The following LYPLAL1 variants were observed in gnomAD, a reference collection of about 807,000 sequenced individuals.
LYPLAL1 encodes the protein lysophospholipase-like protein 1.
Under a neutral mutation model 19.7 loss-of-function variants are expected in LYPLAL1, and 23 were observed. The observed-to-expected ratio is 1.17, with a 90% CI of 0.84 to 1.65. The LOEUF (loss-of-function observed/expected upper bound fraction) is 1.65. LYPLAL1 is among the 40% of genes most tolerant of loss of function. LYPLAL1 has a pLI of 0.00. For synonymous variants in LYPLAL1, 119 were observed against 96.3 expected (o/e 1.24, Z -1.38); for missense variants, 355 against 279.4 (o/e 1.27, Z -1.93).
chr1:219,377,657 G>A, the LYPLAL1 span, among the ~76,000 whole-genome samples: 2 of 151,768 alleles, frequency 1.3e-5, no homozygotes, highest in East Asian at 1.9e-4. Context: ...TCTATATAAT[G>A]GATACTTATC....
the LYPLAL1 span, among the ~76,000 whole-genome samples, chr1:219,292,427 CTTAG>C: frequency 3.3e-5 from 5 of 152,194 alleles, no homozygotes; most frequent in South Asian, 2.1e-4. Flanking sequence ...GGGAGCCCAA[CTTAG>C]TTAGGAAGAT....
At chr1:219,439,025 T>A in the LYPLAL1 span, among the ~76,000 whole-genome samples, 1 of 152,202 alleles carries the variant, frequency 6.6e-6, no homozygotes, top group African/African-American at 2.4e-5. Flanking sequence ...TCCTTCAACT[T>A]TATTTCTCTT....
chr1:219,401,363 A>G, the LYPLAL1 span, among the ~76,000 whole-genome samples: 2 of 99,500 alleles, frequency 2.0e-5, no homozygotes, highest in East Asian at 1.2e-3. Context: ...TTGCCACTTA[A>G]CCCTGCCTCC....
At chr1:219,377,061 C>CT in the LYPLAL1 span, among the ~76,000 whole-genome samples, 7 of 152,150 alleles carry the variant, frequency 4.6e-5, no homozygotes, top group African/African-American at 1.7e-4. Flanking sequence ...TTCATAATAG[C>CT]TACCAGGCAA....
the LYPLAL1 span, among the ~76,000 whole-genome samples, chr1:219,279,076 C>T: frequency 4.6e-5 from 7 of 152,064 alleles, no homozygotes; most frequent in South Asian, 2.1e-4. Context: ...AGAATGCTCC[C>T]GTGTGACTGT....
intron 2 of LYPLAL1, among the ~76,000 whole-genome samples, chr1:219,186,776 C>T (rs901587771): frequency 1.3e-5 from 2 of 151,526 alleles, no homozygotes; most frequent in Admixed American, 6.6e-5. Flanking sequence ...ATAGACAACA[C>T]GTAGTTGGGC....
chr1:219,306,198 G>C, the LYPLAL1 span, among the ~76,000 whole-genome samples: 1 of 152,160 alleles, frequency 6.6e-6, no homozygotes, highest in Admixed American at 6.5e-5. Flanking sequence ...TTTGGAAATT[G>C]TCTTCAACAA....
chr1:219,308,224 T>C, the LYPLAL1 span, among the ~76,000 whole-genome samples: 4 of 152,170 alleles, frequency 2.6e-5, no homozygotes, highest in African/African-American at 9.7e-5. Context: ...GTGGAAGAAA[T>C]TTCTAAGCAG....
At chr1:219,284,030 C>A in the LYPLAL1 span, among the ~76,000 whole-genome samples, 1 of 152,158 alleles carries the variant, frequency 6.6e-6, no homozygotes, top group Non-Finnish European at 1.5e-5. Flanking sequence ...GGGGATGGTT[C>A]CCTCCATGCT....
At chr1:219,260,584 G>A in the LYPLAL1 span, among the ~76,000 whole-genome samples, 404 of 149,250 alleles carry the variant, frequency 2.7e-3, 2 homozygotes, top group African/African-American at 9.2e-3. Flanking sequence ...TGATACAGAG[G>A]GGTCGAATAA....
At chr1:219,293,469 C>G in the LYPLAL1 span, among the ~76,000 whole-genome samples, 1 of 152,118 alleles carries the variant, frequency 6.6e-6, no homozygotes, top group Non-Finnish European at 1.5e-5. Flanking sequence ...CTCCCCTCCC[C>G]CAACTTGGCA....
At chr1:219,441,872 G>A in the LYPLAL1 span, among the ~76,000 whole-genome samples, 2 of 152,124 alleles carry the variant, frequency 1.3e-5, no homozygotes, top group Non-Finnish European at 2.9e-5. Flanking sequence ...GGAAAGAGGG[G>A]AAAGTAATCA....
chr1:219,364,964 C>T, the LYPLAL1 span, among the ~76,000 whole-genome samples: 13 of 152,122 alleles, frequency 8.5e-5, no homozygotes, highest in South Asian at 1.5e-3. Context: ...AGTATTTAAA[C>T]GACCTATTTG....
At chr1:219,410,763 T>C in the LYPLAL1 span, among the ~76,000 whole-genome samples, 5 of 152,248 alleles carry the variant, frequency 3.3e-5, no homozygotes, top group African/African-American at 1.2e-4. Context: ...CCAGCCCTGC[T>C]GGCCCCGGGC....
the LYPLAL1 span, among the ~76,000 whole-genome samples, chr1:219,443,118 C>T: frequency 1.5e-4 from 23 of 151,396 alleles, no homozygotes; most frequent in Non-Finnish European, 1.0e-4. Context: ...GAAAATTTAA[C>T]GCCTGAATGA....
At chr1:219,361,143 G>A in the LYPLAL1 span, among the ~76,000 whole-genome samples, 727 of 152,290 alleles carry the variant, frequency 4.8e-3, 6 homozygotes, top group Non-Finnish European at 8.3e-3. Flanking sequence ...CTACTACAGT[G>A]GGAGACCAGC....
At chr1:219,244,187 G>A in the LYPLAL1 span, among the ~76,000 whole-genome samples, 1 of 152,144 alleles carries the variant, frequency 6.6e-6, no homozygotes, top group African/African-American at 2.4e-5. Flanking sequence ...TGACCTTCAC[G>A]ATGACATAGT....
the LYPLAL1 span, chr1:219,222,606 C>G: frequency 1.3e-5 from 2 of 152,152 alleles, no homozygotes; most frequent in Admixed American, 1.3e-4. Flanking sequence ...CACCACCCCC[C>G]TCATCTTCCA....
At chr1:219,270,910 T>C in the LYPLAL1 span, 1 of 152,178 alleles carries the variant, frequency 6.6e-6, no homozygotes, top group Non-Finnish European at 1.5e-5. Context: ...GATCCTGCCT[T>C]CTACATATGT....
Sources: allele counts gnomAD v4.1 joint callset (sites outside exome capture counted in the v4.1 genomes callset), GRCh38; gene constraint gnomAD v4.1.1; transcripts MANE v1.5; gene names NCBI Gene and HGNC (gene_info 2026-07-23, HGNC 2026-07-21).